The following TUBB4A variants were observed in gnomAD, a reference collection of about 807,000 sequenced individuals.
The protein encoded by TUBB4A is tubulin beta 4A class IVa.
A neutral mutation model predicts 35.1 loss-of-function variants in TUBB4A; 13 were observed. The ratio of observed to expected loss-of-function variants is 0.37; its 90% CI spans 0.24 to 0.59. The LOEUF is 0.59. Ranked by LOEUF, TUBB4A falls within the 20% of genes least tolerant of loss-of-function variation. The pLI is 0.71. For missense variants in TUBB4A, 299 were observed against 647.2 expected, an observed-to-expected ratio of 0.46 and a Z score of 5.84; for synonymous variants, 279 against 272.4, an observed-to-expected ratio of 1.02 and a Z score of -0.24.
Position 6,501,731 on chromosome 19 carries a change from A to G in TUBB4A, c.58-108T>C. 2 of 868,846 alleles carry G rather than the reference A, an allele frequency of 2.3e-6. No individual in the cohort carries two copies. The highest frequency in any genetic ancestry group is 3.7e-6 in the Non-Finnish European group (2 of 544,402). 53.8% of individuals were successfully genotyped at this position (868,846 alleles called of 1,614,324 possible). ...CCCTAGCTGCCACCTCTCCCCCAGC[A>G]AGGTGAACGGGGGACCTAGAGGCAT... On this transcript the variant is annotated intron_variant, in intron 1 of 3. Coordinates refer to ENST00000264071, the MANE Select transcript of TUBB4A (RefSeq NM_006087.4). The surrounding 1 kb of genome is among the most constrained non-coding windows in gnomAD (Gnocchi z 4.2).
In TUBB4A at chr19:6,495,381, G is replaced by A; in HGVS notation, c.1118C>T (p.Ala373Val). Reference protein sequence around the residue: ...MAATFIGNSTAIQELFKRISE... With the variant: ...MAATFIGNSTVIQELFKRISE... ...GATGCGCTTGAACAGCTCCTGGATG[G>A]CCGTGCTGTTGCCGATGAAGGTCGC... Residue 373 changes from alanine (A) to valine (V), a missense_variant, in exon 4 of 4, where the codon GCC becomes GTC. This residue lies in a region of TUBB4A where 125 missense variants were observed against 279.1 expected (regional missense o/e 0.45). Coordinates refer to ENST00000264071, the MANE Select transcript of TUBB4A (RefSeq NM_006087.4). This position sits in a 1 kb window ranked among gnomAD's most constrained non-coding sequence, Gnocchi z 8.7. 1 of 1,613,906 alleles carries A rather than the reference G, an allele frequency of 6.2e-7. No individual in the cohort carries two copies. The highest frequency in any genetic ancestry group is 2.2e-5 in the East Asian group (1 of 44,888).
At position 6,495,566 on chromosome 19, in the gene TUBB4A, C is replaced by A. The variant is rs200310489; in HGVS notation, c.933G>T (p.Leu311=). ...AACDPRHGRY[L]TVAAVFRGRM... ...GGCCCCGGAACACGGCGGCCACGGT[C>A]AGGTAGCGGCCGTGGCGCGGGTCGC... The change falls in exon 4 of 4, where the codon CTG becomes CTT. Residue 311 remains leucine, a synonymous_variant. Coordinates refer to ENST00000264071, the MANE Select transcript of TUBB4A (RefSeq NM_006087.4). The surrounding 1 kb of genome is among the most constrained non-coding windows in gnomAD (Gnocchi z 8.7). The A allele has an allele frequency of 1.2e-6, 2 of 1,614,062 alleles. No individual in the cohort carries two copies. Among genetic ancestry groups the A allele is most frequent in the Non-Finnish European group, 1.7e-6 (2 of 1,179,978 alleles).
rs1568409099 is a variant in TUBB4A at position 6,495,302 on chromosome 19, C to T, written c.1197G>A (p.Thr399=). ...FRRKAFLHWY[T]GEGMDEMEFT... ...ACTCCATCTCGTCCATGCCCTCGCC[C>T]GTGTACCAGTGCAAGAAGGCCTTGC... The change falls in exon 4 of 4, where the codon ACG becomes ACA. Residue 399 remains threonine (T), a synonymous_variant. Coordinates refer to ENST00000264071, the MANE Select transcript of TUBB4A (RefSeq NM_006087.4). This position sits in a 1 kb window ranked among gnomAD's most constrained non-coding sequence, Gnocchi z 8.7. 64 of 1,613,668 alleles carry T rather than the reference C, an allele frequency of 4.0e-5. No homozygotes were observed. Among genetic ancestry groups the T allele is most frequent in the Non-Finnish European group, 4.9e-5 (58 of 1,179,914 alleles).
Position 6,501,651 on chromosome 19 carries a change from G to A in TUBB4A, c.58-28C>T. On this transcript the variant is annotated intron_variant, in intron 1 of 3. Coordinates refer to ENST00000264071, the MANE Select transcript of TUBB4A (RefSeq NM_006087.4). This position sits in a 1 kb window ranked among gnomAD's most constrained non-coding sequence, Gnocchi z 4.2. ...AGAGAGAGAGGTGGTCGGAAGAGTT[G>A]AGAGAGGGGAAGCCGGTGGCCAAGC... is the stretch of plus-strand genomic sequence containing the variant. 1.9e-6 allele frequency: 3 copies of A among 1,595,156 alleles called. No homozygotes were observed. Among genetic ancestry groups the A allele is most frequent in the Non-Finnish European group, 2.6e-6 (3 of 1,166,512 alleles).
chr19:6,499,106 C>T (rs3099128), intron 3 of TUBB4A, among the ~76,000 whole-genome samples: 10,528 of 152,154 alleles, frequency 0.069, 503 homozygotes, highest in East Asian at 0.23. Context: ...AGGCAGATCA[C>T]CTGAGAGGTC....
chr19:6,501,659 G>C lies in TUBB4A; in HGVS notation c.58-36C>G. ...AGGTGGTCGGAAGAGTTGAGAGAGG[G>C]GAAGCCGGTGGCCAAGCCGAGGACT... On this transcript the variant is annotated intron_variant, in intron 1 of 3. Coordinates refer to ENST00000264071, the MANE Select transcript of TUBB4A (RefSeq NM_006087.4). The surrounding 1 kb of genome is among the most constrained non-coding windows in gnomAD (Gnocchi z 4.2). 6.3e-7 allele frequency: 1 copy of C among 1,580,116 alleles called. No individual in the cohort carries two copies. Among genetic ancestry groups the C allele is most frequent in the Non-Finnish European group, 8.7e-7 (1 of 1,155,078 alleles).
chr19:6,495,028 G>T lies in TUBB4A; in HGVS notation c.*136C>A. ...GATGAAGTAGCCAGAGGTAAAGCGA[G>T]CTCCAAAGGTATTGTTAGGGTCAGC... On this transcript the variant is annotated 3_prime_UTR_variant, in exon 4 of 4. Coordinates refer to ENST00000264071, the MANE Select transcript of TUBB4A (RefSeq NM_006087.4). This position sits in a 1 kb window ranked among gnomAD's most constrained non-coding sequence, Gnocchi z 8.7. 1.9e-6 allele frequency: 2 copies of T among 1,048,176 alleles called. No homozygotes were observed. Among genetic ancestry groups the T allele is most frequent in the Non-Finnish European group, 2.8e-6 (2 of 727,244 alleles). 64.9% of individuals were successfully genotyped at this position (1,048,176 alleles called of 1,614,324 possible).
At position 6,495,587 on chromosome 19, in the gene TUBB4A, G is replaced by A. The variant is rs762008299; in HGVS notation, c.912C>T (p.Asp304=). The change falls in exon 4 of 4, where the codon GAC becomes GAT. Residue 304 remains aspartate (D), a synonymous_variant. Coordinates refer to ENST00000264071, the MANE Select transcript of TUBB4A (RefSeq NM_006087.4). This position sits in a 1 kb window ranked among gnomAD's most constrained non-coding sequence, Gnocchi z 8.7. ...FDAKNMMAAC[D]PRHGRYLTVA... ...CGGTCAGGTAGCGGCCGTGGCGCGG[G>A]TCGCACGCCGCCATCATGTTCTTGG... 9.9e-6 allele frequency: 16 copies of A among 1,613,856 alleles called. No individual in the cohort carries two copies. The highest frequency in any genetic ancestry group is 8.5e-7 in the Non-Finnish European group (1 of 1,179,930).
chr19:6,501,136 C>T lies in TUBB4A; in HGVS notation c.277+151G>A. The T allele has an allele frequency of 3.2e-6, 2 of 617,676 alleles. No individual in the cohort carries two copies. Among genetic ancestry groups the T allele is most frequent in the Non-Finnish European group, 5.7e-6 (2 of 352,760 alleles). The allele number at this position is 617,676 out of a possible 1,614,324, so 38.3% of individuals were successfully genotyped here. On this transcript the variant is annotated intron_variant, in intron 3 of 3. Transcript: ENST00000264071. The surrounding 1 kb of genome is among the most constrained non-coding windows in gnomAD (Gnocchi z 4.2). ...AGGGCTCTCACAGTGGCCTGAGCAT[C>T]CCCTCATCACAGCCCTGGATGCAGG...
At position 6,495,229 on chromosome 19, in the gene TUBB4A, G is replaced by A. The variant is rs766691003; in HGVS notation, c.1270C>T (p.Gln424Ter). Residue 424 changes from glutamine (Q) to a stop codon, truncating the protein, a stop_gained, in exon 4 of 4, where the codon CAG becomes TAG. Coordinates refer to ENST00000264071, the MANE Select transcript of TUBB4A (RefSeq NM_006087.4). LOFTEE classifies it high-confidence loss of function. The surrounding 1 kb of genome is among the most constrained non-coding windows in gnomAD (Gnocchi z 8.7). ...TCCTCGGCCGTGGCGTCCTGGTACTGCTGGTACTCAGATACCAGGTCATTC... is the reference window on the plus strand; with the variant it reads ...TCCTCGGCCGTGGCGTCCTGGTACTACTGGTACTCAGATACCAGGTCATTC... ...NMNDLVSEYQ[Q>*]YQDATAEEGE... 1 of 1,613,948 alleles carries A rather than the reference G, an allele frequency of 6.2e-7. No homozygotes were observed. Among genetic ancestry groups the A allele is most frequent in the Non-Finnish European group, 8.5e-7 (1 of 1,179,876 alleles).
rs1439558943 is a variant in TUBB4A at position 6,497,894 on chromosome 19, G to A, written c.278-1673C>T. On this transcript the variant is annotated intron_variant, in intron 3 of 3. Transcript: ENST00000264071. ...CCAGCCTGGGCGACAGCAAGACTCC[G>A]TCTCAAAAAAAAAAAAAAAAAAAAA... Among the ~76,000 whole-genome samples, 5 of 58,604 alleles carry A rather than the reference G, an allele frequency of 8.5e-5. No individual in the cohort carries two copies. In the South Asian group the frequency reaches 2.1e-3, roughly 25 times the overall value. The allele number at this position is 58,604 out of a possible 152,430, so 38.4% of individuals were successfully genotyped here.
Position 6,495,709 on chromosome 19 carries a change from G to A in TUBB4A, c.790C>T (p.His264Tyr). 6.2e-7 allele frequency: 1 copy of A among 1,614,056 alleles called. No individual in the cohort carries two copies. Among genetic ancestry groups the A allele is most frequent in the East Asian group, 2.2e-5 (1 of 44,868 alleles). Residue 264 changes from histidine (H) to tyrosine (Y), a missense_variant, in exon 4 of 4, where the codon CAC becomes TAC. Transcript: ENST00000264071. This position sits in a 1 kb window ranked among gnomAD's most constrained non-coding sequence, Gnocchi z 8.7. ...GGTGCGAAGCCGGGCATGAAGAAGTGCAGGCGAGGAAAGGGAACCATGTTG... is the reference window on the plus strand; with the variant it reads ...GGTGCGAAGCCGGGCATGAAGAAGTACAGGCGAGGAAAGGGAACCATGTTG... ...AVNMVPFPRL[H>Y]FFMPGFAPLT...
chr19:6,495,914 A>G lies in TUBB4A; in HGVS notation c.585T>C (p.Asn195=), dbSNP rs139391205. The change falls in exon 4 of 4, where the codon AAT becomes AAC. Residue 195 remains asparagine (N), a synonymous_variant. Transcript: ENST00000264071. This position sits in a 1 kb window ranked among gnomAD's most constrained non-coding sequence, Gnocchi z 8.7. ...TGTCGATGCAGTAGGTCTCATCCGT[A>G]TTCTCCACCAGCTGGTGCACAGACA... ...ATLSVHQLVE[N]TDETYCIDNE... The G allele has an allele frequency of 4.4e-4, 718 of 1,614,194 alleles. 5 individuals are homozygous for G. The African/African-American group carries it at 8.3e-3, about 19-fold the overall frequency.
upstream of TUBB4A, chr19:6,502,334 T>C: frequency 1.7e-6 from 2 of 1,149,184 alleles, no homozygotes; most frequent in Non-Finnish European, 2.3e-6. Context: ...CGGGAGCCGC[T>C]ATATGAGCGG....
chr19:6,502,459 G>A (rs1013011573), upstream of TUBB4A: 6 of 480,228 alleles, frequency 1.2e-5, no homozygotes, highest in East Asian at 7.4e-5. Flanking sequence ...TCCCCAGGGG[G>A]CCTCCCAGAG....
intron 3 of TUBB4A, among the ~76,000 whole-genome samples, chr19:6,498,890 C>T (rs1213101985): frequency 6.6e-6 from 1 of 152,186 alleles, no homozygotes; most frequent in African/African-American, 2.4e-5. Context: ...ATCATAGGTC[C>T]TTGGGAAATG....
intron 3 of TUBB4A, chr19:6,496,444 A>T (rs973857356): frequency 1.3e-5 from 6 of 466,574 alleles, no homozygotes; most frequent in Non-Finnish European, 2.3e-5. Flanking sequence ...CCTGGCTAAC[A>T]CGGTGAAACC....
Position 6,501,414 on chromosome 19 carries a change from G to A in TUBB4A, c.167-17C>T, listed in dbSNP as rs2145259717. On this transcript the variant is annotated splice_polypyrimidine_tract_variant and intron_variant, in intron 2 of 3. Coordinates refer to ENST00000264071, the MANE Select transcript of TUBB4A (RefSeq NM_006087.4). The surrounding 1 kb of genome is among the most constrained non-coding windows in gnomAD (Gnocchi z 4.2). ...AATTTCCTCCTGCAGGGAAACAGAT[G>A]GAGGGCAGTTCGATGCGTGCCAGGA... 1 of 1,611,352 alleles carries A rather than the reference G, an allele frequency of 6.2e-7. No individual in the cohort carries two copies. Among genetic ancestry groups the A allele is most frequent in the East Asian group, 2.2e-5 (1 of 44,852 alleles).
At chr19:6,500,748 A>C (rs1024088664) in intron 3 of TUBB4A, 1 of 151,432 alleles carries the variant, frequency 6.6e-6, no homozygotes, top group African/African-American at 2.4e-5. Flanking sequence ...CCTGTCTGAA[A>C]AAAAAAAAAA....
Sources: gnomAD v4.1 joint callset for allele counts (sites outside exome capture counted in the v4.1 genomes callset) on GRCh38, gnomAD v4.1.1 for gene constraint, gnomAD v4.1.1 regional missense constraint, Gnocchi (gnomAD v3.1) non-coding constraint, MANE v1.5 for transcripts, NCBI Gene and HGNC (gene_info 2026-07-23, HGNC 2026-07-21) for gene names.